MGST1: variants seen among roughly 807,000 people sequenced by gnomAD.
The protein encoded by MGST1 is glutathione S-transferase 12.
A neutral mutation model predicts 8.9 loss-of-function variants in MGST1; 5 were observed. The observed-to-expected ratio is 0.56, with a 90% confidence interval of 0.29 to 1.19. MGST1 has a LOEUF of 1.19. Among genes scored for constraint, MGST1 ranks in the 50% most tolerant of loss-of-function variants. The pLI, the probability that MGST1 is intolerant of heterozygous loss-of-function variation, is 0.08. For missense variants in MGST1, 182 were observed against 187.4 expected (o/e 0.97, Z 0.17); for synonymous variants, 54 against 67.8 (o/e 0.80, Z 1.00).
intron 4 of MGST1, among the ~76,000 whole-genome samples, chr12:16,569,945 A>G (rs2137428115): frequency 6.6e-6 from 1 of 152,280 alleles, no homozygotes; most frequent in Non-Finnish European, 1.5e-5. Flanking sequence ...TTTTAAGGTA[A>G]GTTTATAATG....
At chr12:16,519,207 T>G (rs879446228) in intron 4 of MGST1, among the ~76,000 whole-genome samples, 3 of 152,202 alleles carry the variant, frequency 2.0e-5, no homozygotes, top group Admixed American at 6.5e-5. Context: ...AGAGCTGCCG[T>G]GAAGCATGTA....
chr12:16,418,894 G>C (rs1164599751), intron 1 of MGST1, among the ~76,000 whole-genome samples: 1 of 152,146 alleles, frequency 6.6e-6, no homozygotes, highest in Non-Finnish European at 1.5e-5. Context: ...TCAAGGATCA[G>C]TAAAAAAGTT....
intron 4 of MGST1, among the ~76,000 whole-genome samples, chr12:16,488,766 A>C (rs917549261): frequency 6.6e-6 from 1 of 152,116 alleles, no homozygotes; most frequent in Non-Finnish European, 1.5e-5. Context: ...CCATAATGTC[A>C]TGAGTGTGCA....
chr12:16,538,081 C>T (rs970031897), intron 4 of MGST1, among the ~76,000 whole-genome samples: 17 of 152,134 alleles, frequency 1.1e-4, no homozygotes, highest in African/African-American at 3.9e-4. Context: ...TATCAGCATC[C>T]AAGTCACCTC....
intron 4 of MGST1, among the ~76,000 whole-genome samples, chr12:16,481,693 A>G (rs2137145546): frequency 6.6e-6 from 1 of 152,298 alleles, no homozygotes; most frequent in East Asian, 1.9e-4. Context: ...AACATACAAA[A>G]TACAGCACAA....
chr12:16,372,229 C>G (rs962689493), intron 3 of MGST1, among the ~76,000 whole-genome samples: 2 of 151,928 alleles, frequency 1.3e-5, no homozygotes, highest in Non-Finnish European at 2.9e-5. Context: ...AGGAAACAAT[C>G]AGCAAAGAGA....
chr12:16,384,907 A>G (rs1940491369), intron 1 of MGST1, among the ~76,000 whole-genome samples: 1 of 152,258 alleles, frequency 6.6e-6, no homozygotes, highest in Admixed American at 6.5e-5. Context: ...GGCCTATCAC[A>G]GGGATCCCTG....
At chr12:16,351,324 T>C (rs888305632) in intron 1 of MGST1, among the ~76,000 whole-genome samples, 1 of 77,904 alleles carries the variant, frequency 1.3e-5, no homozygotes, top group Non-Finnish European at 3.4e-5. Flanking sequence ...CCTTCAATAC[T>C]AGAACAAGCA....
At chr12:16,455,503 T>A (rs1941165329) in intron 4 of MGST1, among the ~76,000 whole-genome samples, 1 of 151,762 alleles carries the variant, frequency 6.6e-6, no homozygotes, top group Non-Finnish European at 1.5e-5. Context: ...GGATAAAGTT[T>A]TAAGTTATGT....
chr12:16,559,450 GTGTT>G lies in MGST1; in HGVS notation n.483-30071_483-30068del, dbSNP rs111284507. ...AAAACCTGAGGTCCAGAGAGGGAAG[GTGTT>G]TGTTTGGTTTAAGATCGCACAGCTT... On this transcript the variant is annotated intron_variant and non_coding_transcript_variant, in intron 4 of 4. Transcript: ENST00000538857. This position sits in a 1 kb window ranked among gnomAD's most constrained non-coding sequence, Gnocchi z 4.1. Among the ~76,000 whole-genome samples the G allele has an allele frequency of 0.07, 10,726 of 152,152 alleles. 1,024 individuals are homozygous for G. Among genetic ancestry groups the G allele is most frequent in the African/African-American group, 0.22 (8,965 of 41,442 alleles).
intron 4 of MGST1, among the ~76,000 whole-genome samples, chr12:16,511,987 G>T (rs1941580124): frequency 6.6e-6 from 1 of 152,126 alleles, no homozygotes; most frequent in Non-Finnish European, 1.5e-5. Context: ...CAGTGTTTAT[G>T]TCAGTCTATA....
At chr12:16,501,013 G>GA (rs893017308) in intron 4 of MGST1, among the ~76,000 whole-genome samples, 1 of 147,458 alleles carries the variant, frequency 6.8e-6, no homozygotes, top group African/African-American at 2.5e-5. Context: ...GCCTGAGGCA[G>GA]AAGAATTGCT....
At chr12:16,390,207 A>T (rs576285039) in intron 1 of MGST1, among the ~76,000 whole-genome samples, 1 of 152,232 alleles carries the variant, frequency 6.6e-6, no homozygotes, top group South Asian at 2.1e-4. Context: ...GGGAAAAAAA[A>T]AAAGAACAAT....
Position 16,410,181 on chromosome 12 carries a change from C to G in MGST1, n.778+26577C>G, listed in dbSNP as rs897713839. Reference sequence around the variant, plus strand: ...AAAGTGGTTATAGTGCTATGCTTACCGTCATTTCTCTTTAACTTGGAGATT... The same window carrying G: ...AAAGTGGTTATAGTGCTATGCTTACGGTCATTTCTCTTTAACTTGGAGATT... On this transcript the variant is annotated intron_variant and non_coding_transcript_variant, in intron 1 of 1. Transcript: ENST00000359720. This position sits in a 1 kb window ranked among gnomAD's most constrained non-coding sequence, Gnocchi z 4.4. Among the ~76,000 whole-genome samples the G allele has an allele frequency of 6.6e-6, 1 of 152,070 alleles. No homozygotes were observed. Among genetic ancestry groups the G allele is most frequent in the African/African-American group, 2.4e-5 (1 of 41,402 alleles).
intron 4 of MGST1, among the ~76,000 whole-genome samples, chr12:16,523,284 C>CT (rs1941660494): frequency 6.6e-6 from 1 of 152,110 alleles, no homozygotes; most frequent in South Asian, 2.1e-4. Flanking sequence ...GCTCTGCTAA[C>CT]TAGTTGGATT....
At chr12:16,523,605 G>T (rs1020429541) in intron 4 of MGST1, among the ~76,000 whole-genome samples, 1 of 151,954 alleles carries the variant, frequency 6.6e-6, no homozygotes, top group Non-Finnish European at 1.5e-5. Flanking sequence ...TTACAAGACG[G>T]GCTTATGATT....
exon 4 of MGST1, chr12:16,376,360 C>T (rs891596379): frequency 1.0e-5 from 4 of 400,120 alleles, no homozygotes; most frequent in Non-Finnish European, 1.8e-5. Flanking sequence ...GTACCCAATA[C>T]CATCTATGAA....
intron 4 of MGST1, among the ~76,000 whole-genome samples, chr12:16,446,198 C>G (rs1405039652): frequency 1.3e-5 from 2 of 151,870 alleles, no homozygotes; most frequent in Non-Finnish European, 2.9e-5. Flanking sequence ...TCCAAATGAC[C>G]AATAGCAATA....
At chr12:16,424,500 T>C (rs567988547) in intron 1 of MGST1, among the ~76,000 whole-genome samples, 3 of 152,182 alleles carry the variant, frequency 2.0e-5, no homozygotes, top group Non-Finnish European at 2.9e-5. Context: ...TGAGTTGAAA[T>C]TTTTCTTTTC....
Sources: gnomAD v4.1 joint callset for allele counts (sites outside exome capture counted in the v4.1 genomes callset) on GRCh38, gnomAD v4.1.1 for gene constraint, Gnocchi (gnomAD v3.1) non-coding constraint, MANE v1.5 for transcripts, NCBI Gene and HGNC (gene_info 2026-07-23, HGNC 2026-07-21) for gene names.